Variants in STEAP4 observed in about 807,000 individuals in gnomAD.
STEAP4 encodes metalloreductase STEAP4.
A neutral mutation model predicts 43.6 loss-of-function variants in STEAP4; 36 were observed. That is an observed-to-expected ratio of 0.83 (90% CI 0.63 to 1.09). The LOEUF (loss-of-function observed/expected upper bound fraction) is 1.09. Among genes scored for constraint, STEAP4 ranks in the 50% least tolerant of loss-of-function variants. The pLI, the probability that STEAP4 is intolerant of heterozygous loss-of-function variation, is 0.00. For synonymous variants in STEAP4, 191 were observed against 196.7 expected (o/e 0.97, Z 0.24); for missense variants, 495 against 546.5 (o/e 0.91, Z 0.94).
rs1852501757 is a variant in STEAP4, at chr7:88,275,598, G to GGGGTGTGTGTGT, written c.*3788_*3799dup. 2 of 145,052 alleles carry GGGGTGTGTGTGT rather than the reference G, an allele frequency of 1.4e-5. No homozygotes were observed. Among genetic ancestry groups the GGGGTGTGTGTGT allele is most frequent in the African/African-American group, 5.3e-5 (2 of 38,030 alleles). 9.0% of individuals were successfully genotyped at this position (145,052 alleles called of 1,614,324 possible). A position where few individuals can be genotyped will look rare whatever the true frequency, so the allele number is the denominator to read the frequency against. On this transcript the variant is annotated 3_prime_UTR_variant, in exon 5 of 5. Coordinates refer to ENST00000380079, the MANE Select transcript of STEAP4 (RefSeq NM_024636.4). ...TGTAAGGCTATCTGTGGGCTCTCAT[G>GGGGTGTGTGTGT]GGGTGTGTGTGTGTGTGTGTGTGTG...
chr7:88,284,850 C>T (rs78352746), intron 1 of STEAP4, among the ~76,000 whole-genome samples: 2 of 152,058 alleles, frequency 1.3e-5, no homozygotes, highest in Non-Finnish European at 1.5e-5. Context: ...ATTCTTGATT[C>T]ATAGTGAAAG....
chr7:88,292,523 G>A (rs1852851923), intron 1 of STEAP4: 1 of 152,164 alleles, frequency 6.6e-6, no homozygotes, highest in Non-Finnish European at 1.5e-5. Flanking sequence ...GGAGGTCCCT[G>A]TGCATCTTTC....
In STEAP4 at chr7:88,283,817, C is replaced by T. The variant is rs545385293; in HGVS notation, c.453G>A (p.Arg151=). ...GTGTAAATTTGTTTATTCTTACCTG[C>T]CGACTTGCATCCAGTGCTCCTGACT... The part of the protein sequence containing the change: ...ALQSGALDAS[R]QVFVCGNDSK... Residue 151 remains arginine, a synonymous_variant, in exon 2 of 5, where the codon CGG becomes CGA. Transcript: ENST00000380079. 6.2e-7 allele frequency: 1 copy of T among 1,609,228 alleles called. No homozygotes were observed. The highest frequency in any genetic ancestry group is 8.5e-7 in the Non-Finnish European group (1 of 1,176,660).
rs1852544240 is a variant in STEAP4 at position 88,278,073 on chromosome 7, A to G, written c.*1325T>C. Reference sequence around the variant, plus strand: ...TGTTATAATGAAAGTAAAAAAAAAAAAAGGTCTTAGCAGAGCAGGCAGAAA... The same window carrying G: ...TGTTATAATGAAAGTAAAAAAAAAAGAAGGTCTTAGCAGAGCAGGCAGAAA... On this transcript the variant is annotated 3_prime_UTR_variant, in exon 5 of 5. Transcript: ENST00000380079. 1 of 151,884 alleles carries G rather than the reference A, an allele frequency of 6.6e-6. No individual in the cohort carries two copies. The highest frequency in any genetic ancestry group is 2.4e-5 in the African/African-American group (1 of 41,392). 9.4% of individuals were successfully genotyped at this position (151,884 alleles called of 1,614,324 possible).
At chr7:88,305,726 G>A (rs1853118410) in intron 1 of STEAP4, among the ~76,000 whole-genome samples, 1 of 152,192 alleles carries the variant, frequency 6.6e-6, no homozygotes, top group Non-Finnish European at 1.5e-5. Context: ...TAGCATTAAG[G>A]AGATTTTCTA....
rs1852471305 is a variant in STEAP4 at position 88,273,590 on chromosome 7, G to A, written c.*5808C>T. 6.6e-6 allele frequency: 1 copy of A among 151,912 alleles called. No individual in the cohort carries two copies. Among genetic ancestry groups the A allele is most frequent in the South Asian group, 2.1e-4 (1 of 4,824 alleles). 9.4% of individuals were successfully genotyped at this position (151,912 alleles called of 1,614,324 possible). ...GAAGTGTTATGAAATTTCTTGCATG[G>A]GTTACTGGATCTCAAAAACAAATAA... On this transcript the variant is annotated 3_prime_UTR_variant, in exon 5 of 5. Coordinates refer to ENST00000380079, the MANE Select transcript of STEAP4 (RefSeq NM_024636.4).
intron 1 of STEAP4, among the ~76,000 whole-genome samples, chr7:88,295,611 C>T (rs1007037898): frequency 7.2e-5 from 11 of 152,108 alleles, no homozygotes; most frequent in African/African-American, 2.7e-4. Flanking sequence ...GTTCTTCTTC[C>T]TGGTAACACA....
At chr7:88,297,854 T>C (rs1424710551) in intron 1 of STEAP4, among the ~76,000 whole-genome samples, 1 of 152,162 alleles carries the variant, frequency 6.6e-6, no homozygotes, top group Non-Finnish European at 1.5e-5. Context: ...GTGACAGAAA[T>C]GCAGTTTATA....
chr7:88,277,299 C>G lies in STEAP4; in HGVS notation c.*2099G>C, dbSNP rs954452887. 2.6e-5 allele frequency: 4 copies of G among 152,064 alleles called. No homozygotes were observed. Among genetic ancestry groups the G allele is most frequent in the African/African-American group, 9.7e-5 (4 of 41,384 alleles). 9.4% of individuals were successfully genotyped at this position (152,064 alleles called of 1,614,324 possible). The stretch of plus-strand genomic sequence containing the variant: ...GTTTATCAAAGATAAGTTGAAGGAG[C>G]GTGTGTTCTGTGTACCTTTGCAACC... On this transcript the variant is annotated 3_prime_UTR_variant, in exon 5 of 5. Transcript: ENST00000380079.
At chr7:88,296,706 A>T (rs988497241) in intron 1 of STEAP4, among the ~76,000 whole-genome samples, 8 of 151,974 alleles carry the variant, frequency 5.3e-5, no homozygotes, top group African/African-American at 1.4e-4. Context: ...AAAAAATATT[A>T]AAAAAAATAA....
At position 88,271,809 on chromosome 7, in the gene STEAP4, G is replaced by A. The variant is rs911803978; in HGVS notation, c.*7589C>T. ...CCAAGAGCAATGTATGTGAACCTAC[G>A]TTTCCACAGCCTCACCCACAGAATG... On this transcript the variant is annotated 3_prime_UTR_variant, in exon 5 of 5. Transcript: ENST00000380079. 3 of 152,170 alleles carry A rather than the reference G, an allele frequency of 2.0e-5. No homozygotes were observed. Among genetic ancestry groups the A allele is most frequent in the Non-Finnish European group, 4.4e-5 (3 of 68,038 alleles). 9.4% of individuals were successfully genotyped at this position (152,170 alleles called of 1,614,324 possible).
At position 88,279,387 on chromosome 7, in the gene STEAP4, C is replaced by T; in HGVS notation, c.*11G>A. 1.2e-6 allele frequency: 2 copies of T among 1,609,956 alleles called. No homozygotes were observed. The highest frequency in any genetic ancestry group is 1.3e-5 in the African/African-American group (1 of 74,894). On this transcript the variant is annotated 3_prime_UTR_variant, in exon 5 of 5. Transcript: ENST00000380079. ...TTGTTTTAAATATTGATTTTCCATT[C>T]AATGCTTTTTCTAGTGTTTTGAGTT... is the stretch of plus-strand genomic sequence containing the variant.
At chr7:88,306,236 A>G (rs1853128817) in intron 1 of STEAP4, among the ~76,000 whole-genome samples, 1 of 152,250 alleles carries the variant, frequency 6.6e-6, no homozygotes, top group African/African-American at 2.4e-5. Flanking sequence ...GAATAATAAA[A>G]TTCTGTCTCT....
In STEAP4 at chr7:88,276,106, A is replaced by C. The variant is rs1397302987; in HGVS notation, c.*3292T>G. The C allele has an allele frequency of 6.6e-6, 1 of 151,952 alleles. No individual in the cohort carries two copies. The highest frequency in any genetic ancestry group is 1.5e-5 in the Non-Finnish European group (1 of 68,028). The allele number at this position is 151,952 out of a possible 1,614,324, so 9.4% of individuals were successfully genotyped here. ...TGCATGGAGAAGGAAAGCCTTTTTT[A>C]CCTCCAAATTCTCACAAAAATCCAG... On this transcript the variant is annotated 3_prime_UTR_variant, in exon 5 of 5. Transcript: ENST00000380079.
At chr7:88,291,253 G>A (rs950866761) in intron 1 of STEAP4, among the ~76,000 whole-genome samples, 30 of 151,884 alleles carry the variant, frequency 2.0e-4, no homozygotes, top group African/African-American at 6.3e-4. Context: ...ATAAAATGGC[G>A]TTTGAGGATC....
rs1214957550 is a variant in STEAP4, at chr7:88,276,802, T to TTG, written c.*2594_*2595dup. 1 of 152,724 alleles carries TTG rather than the reference T, an allele frequency of 6.5e-6. No homozygotes were observed. Among genetic ancestry groups the TTG allele is most frequent in the East Asian group, 1.9e-4 (1 of 5,212 alleles). The allele number at this position is 152,724 out of a possible 1,614,324, so 9.5% of individuals were successfully genotyped here. ...GGTCAGCTGGTGGGGCTTGGAGCAC[T>TTG]TGTGGTTGGGGCCAAAGGTCAGGTC... On this transcript the variant is annotated 3_prime_UTR_variant, in exon 5 of 5. Transcript: ENST00000380079.
chr7:88,284,352 T>TC, intron 1 of STEAP4, 81 bp from the exon 2 acceptor site: 1 of 1,015,100 alleles, frequency 9.9e-7, no homozygotes, highest in Non-Finnish European at 1.4e-6. Flanking sequence ...ATTCAAGAAG[T>TC]AATGTAATTG....
At chr7:88,303,494 T>A (rs1411680040) in intron 1 of STEAP4, among the ~76,000 whole-genome samples, 11 of 89,724 alleles carry the variant, frequency 1.2e-4, no homozygotes, top group African/African-American at 4.2e-4. Flanking sequence ...AGACTCAGTC[T>A]CAAAAAAAAA....
At chr7:88,286,570 G>A (rs1852737963) in intron 1 of STEAP4, among the ~76,000 whole-genome samples, 1 of 152,060 alleles carries the variant, frequency 6.6e-6, no homozygotes, top group African/African-American at 2.4e-5. Flanking sequence ...CTCAGGGCTG[G>A]GCATGGAGGC....
Sources: allele counts gnomAD v4.1 joint callset (sites outside exome capture counted in the v4.1 genomes callset), GRCh38; gene constraint gnomAD v4.1.1; transcripts MANE v1.5; gene names NCBI Gene and HGNC (gene_info 2026-07-23, HGNC 2026-07-21).